The following PRKN variants were observed in gnomAD, a reference collection of about 807,000 sequenced individuals.
The protein encoded by PRKN is E3 ubiquitin-protein ligase parkin.
A neutral mutation model predicts 59.5 loss-of-function variants in PRKN; 56 were observed. That is an observed-to-expected ratio of 0.94 (90% CI 0.76 to 1.18). The LOEUF (loss-of-function observed/expected upper bound fraction) is 1.18, where lower values mean the gene tolerates loss of function less well. Ranked by LOEUF, PRKN falls within the 50% of genes most tolerant of loss-of-function variation. The pLI is 0.00. For synonymous variants in PRKN, 250 were observed against 222.1 expected, an observed-to-expected ratio of 1.13 and a Z score of -1.12; for missense variants, 657 against 596.4, an observed-to-expected ratio of 1.10 and a Z score of -1.06.
At chr6:161,692,031 C>G (rs1267683369) in intron 7 of PRKN, among the ~76,000 whole-genome samples, 1 of 151,102 alleles carries the variant, frequency 6.6e-6, no homozygotes, top group Non-Finnish European at 1.5e-5. Context: ...TTATCTCTCT[C>G]CAACTGCTTA....
intron 6 of PRKN, among the ~76,000 whole-genome samples, chr6:161,796,718 C>T (rs1183689296): frequency 6.6e-6 from 1 of 152,134 alleles, no homozygotes; most frequent in East Asian, 1.9e-4. Flanking sequence ...TCTATTCAGA[C>T]TGTCGATATG....
chr6:162,408,994 A>C (rs1158570493), intron 2 of PRKN, among the ~76,000 whole-genome samples: 51 of 112,242 alleles, frequency 4.5e-4, no homozygotes, highest in South Asian at 1.1e-3. Context: ...TGCCTCTCCC[A>C]CTCCCCCTGT....
chr6:162,212,004 A>G (rs902827742), intron 3 of PRKN, among the ~76,000 whole-genome samples: 8 of 152,198 alleles, frequency 5.3e-5, no homozygotes, highest in African/African-American at 1.9e-4. Context: ...AAGACTGATA[A>G]GACTATGAAT....
chr6:162,103,023 A>G lies in PRKN; in HGVS notation c.535-48849T>C, dbSNP rs1223520073. On this transcript the variant is annotated intron_variant, in intron 4 of 11. Coordinates refer to ENST00000366898, the MANE Select transcript of PRKN (RefSeq NM_004562.3). ...GCGCCACTGCACTCCAGCCTGGGCG[A>G]AAGAGCGAGACTCTGTCTCAAAAAA... Among the ~76,000 whole-genome samples, 3 of 150,184 alleles carry G rather than the reference A, an allele frequency of 2.0e-5. No individual in the cohort carries two copies. In the East Asian group the frequency reaches 5.8e-4, roughly 29 times the overall value.
At chr6:162,204,963 A>G (rs1397648916) in intron 3 of PRKN, among the ~76,000 whole-genome samples, 1 of 151,754 alleles carries the variant, frequency 6.6e-6, no homozygotes, top group African/African-American at 2.4e-5. Flanking sequence ...CTTGGGTTCA[A>G]GTGATTCTCC....
At chr6:161,697,460 AC>A (rs1458453987) in intron 7 of PRKN, among the ~76,000 whole-genome samples, 1 of 152,168 alleles carries the variant, frequency 6.6e-6, no homozygotes, top group African/African-American at 2.4e-5. Flanking sequence ...CCCCTGTACA[AC>A]CTGGGCTCCT....
rs188973629 is a variant in PRKN, at chr6:162,211,529, T to A, written c.413-10277A>T. On this transcript the variant is annotated intron_variant, in intron 3 of 11. Coordinates refer to ENST00000366898, the MANE Select transcript of PRKN (RefSeq NM_004562.3). The stretch of plus-strand genomic sequence containing the variant: ...ATTTAAAAAATAATTTAAAATTTTT[T>A]AAAAAAACATTCTAAGTGTTAGAAA... Among the ~76,000 whole-genome samples, 161 of 152,204 alleles carry A rather than the reference T, an allele frequency of 1.1e-3. 1 individual carries two copies. Among genetic ancestry groups the A allele is most frequent in the African/African-American group, 3.8e-3 (156 of 41,524 alleles).
chr6:162,649,396 C>G (rs1181805101), intron 1 of PRKN, among the ~76,000 whole-genome samples: 1 of 152,110 alleles, frequency 6.6e-6, no homozygotes, highest in African/African-American at 2.4e-5. Context: ...AATGATTTTG[C>G]CAGGGCAGCA....
chr6:161,818,695 A>G (rs951536017), intron 6 of PRKN, among the ~76,000 whole-genome samples: 2 of 152,124 alleles, frequency 1.3e-5, no homozygotes, highest in Admixed American at 6.6e-5. Context: ...AAGGAAAACC[A>G]TTTTCACAGA....
intron 6 of PRKN, among the ~76,000 whole-genome samples, chr6:161,855,319 T>A (rs1222872104): frequency 6.6e-6 from 1 of 152,160 alleles, no homozygotes; most frequent in East Asian, 1.9e-4. Context: ...GAGACACATA[T>A]GAAACCTCAT....
At chr6:162,422,118 TG>T in intron 2 of PRKN, among the ~76,000 whole-genome samples, 1 of 152,354 alleles carries the variant, frequency 6.6e-6, no homozygotes. Context: ...ATCTGCATAA[TG>T]GAAACAGTTA....
intron 1 of PRKN, among the ~76,000 whole-genome samples, chr6:162,646,031 C>T (rs1024485408): frequency 1.3e-5 from 2 of 151,846 alleles, no homozygotes; most frequent in East Asian, 1.9e-4. Flanking sequence ...CCTGCCACCA[C>T]GCCTGGCTAA....
In PRKN at chr6:162,700,327, T is replaced by C. The variant is rs901890445; in HGVS notation, c.7+27335A>G. Among the ~76,000 whole-genome samples the C allele has an allele frequency of 1.1e-4, 16 of 152,224 alleles. No individual in the cohort carries two copies. In the East Asian group the frequency reaches 2.7e-3, roughly 26 times the overall value. On this transcript the variant is annotated intron_variant, in intron 1 of 11. Transcript: ENST00000366898. ...TTAATAAATATGAGTAGGAAGAAAA[T>C]GATCTGAGAAGAAAAGAGATGAGGA...
At position 161,593,702 on chromosome 6, in the gene PRKN, C is replaced by T. The variant is rs545944147; in HGVS notation, c.872-24286G>A. Among the ~76,000 whole-genome samples, 13 of 152,220 alleles carry T rather than the reference C, an allele frequency of 8.5e-5. No homozygotes were observed. Among genetic ancestry groups the T allele is most frequent in the African/African-American group, 2.4e-4 (10 of 41,548 alleles). On this transcript the variant is annotated intron_variant, in intron 7 of 11. Coordinates refer to ENST00000366898, the MANE Select transcript of PRKN (RefSeq NM_004562.3). The surrounding 1 kb of genome is among the most constrained non-coding windows in gnomAD (Gnocchi z 4.8). ...TGAGAGTAGGAAGACTGGGGAAGAG[C>T]GAGAGAGGGCTCGAGGAGTTCTGCT...
intron 5 of PRKN, among the ~76,000 whole-genome samples, chr6:162,011,198 T>C (rs757306500): frequency 1.2e-3 from 32 of 26,104 alleles, no homozygotes; most frequent in African/African-American, 7.5e-3. Context: ...TAATATATAC[T>C]ATATTATATA....
At chr6:161,589,538 C>A (rs1209938210) in intron 7 of PRKN, among the ~76,000 whole-genome samples, 1 of 151,222 alleles carries the variant, frequency 6.6e-6, no homozygotes, top group South Asian at 2.1e-4. Flanking sequence ...GTAGATAACT[C>A]GTGGTCAAAG....
intron 4 of PRKN, among the ~76,000 whole-genome samples, chr6:162,165,677 C>T (rs1782945100): frequency 6.7e-6 from 1 of 149,110 alleles, no homozygotes; most frequent in Non-Finnish European, 1.5e-5. Flanking sequence ...GAGGTTTGAC[C>T]TTTTGCTATC....
chr6:161,733,787 T>TAC (rs1787831762), intron 7 of PRKN, among the ~76,000 whole-genome samples: 1 of 80,416 alleles, frequency 1.2e-5, no homozygotes, highest in South Asian at 4.1e-4. Flanking sequence ...AAAAAAAATA[T>TAC]ATATATATAT....
intron 7 of PRKN, among the ~76,000 whole-genome samples, chr6:161,637,556 C>T (rs1016711654): frequency 8.5e-5 from 13 of 152,128 alleles, no homozygotes; most frequent in Non-Finnish European, 8.8e-5. Flanking sequence ...TGCAGCACGA[C>T]CTGCCTTTCG....
Sources: allele counts gnomAD v4.1 joint callset (sites outside exome capture counted in the v4.1 genomes callset), GRCh38; gene constraint gnomAD v4.1.1; non-coding constraint Gnocchi (gnomAD v3.1); transcripts MANE v1.5; gene names NCBI Gene and HGNC (gene_info 2026-07-23, HGNC 2026-07-21).